Variants in CDH18 observed in about 807,000 individuals in gnomAD.
CDH18 encodes cadherin 18.
CDH18 carries 31 observed loss-of-function variants against 67.9 expected under a neutral mutation model. That is an observed-to-expected ratio of 0.46 (90% CI 0.34 to 0.62). The LOEUF (loss-of-function observed/expected upper bound fraction) is 0.62, where lower values mean the gene tolerates loss of function less well. Ranked by LOEUF, CDH18 falls within the 20% of genes least tolerant of loss-of-function variation. The pLI is 0.01. For missense variants in CDH18, 890 were observed against 975.5 expected, an observed-to-expected ratio of 0.91 and a Z score of 1.17; for synonymous variants, 362 against 347.2, an observed-to-expected ratio of 1.04 and a Z score of -0.48.
At chr5:20,426,540 G>T (rs1041341536) in intron 1 of CDH18, among the ~76,000 whole-genome samples, 3 of 151,082 alleles carry the variant, frequency 2.0e-5, no homozygotes, top group Non-Finnish European at 1.5e-5. Flanking sequence ...TTAATCCACT[G>T]TATTATCAGA....
chr5:20,498,957 G>C (rs1446696568), intron 1 of CDH18, among the ~76,000 whole-genome samples: 1 of 152,008 alleles, frequency 6.6e-6, no homozygotes, highest in Non-Finnish European at 1.5e-5. Flanking sequence ...TTTGTATTGA[G>C]CTTGTGTTTC....
intron 2 of CDH18, among the ~76,000 whole-genome samples, chr5:20,019,150 A>T (rs1434871704): frequency 1.3e-5 from 2 of 152,142 alleles, no homozygotes; most frequent in Admixed American, 1.3e-4. Flanking sequence ...TGGTATTTTC[A>T]TGGAATTAAG....
chr5:19,508,538 T>A (rs1199781064), intron 10 of CDH18, among the ~76,000 whole-genome samples: 1 of 151,740 alleles, frequency 6.6e-6, no homozygotes, highest in Non-Finnish European at 1.5e-5. Context: ...ATAAATGATA[T>A]TACAAATTTA....
At chr5:19,851,260 G>A (rs1488004094) in intron 2 of CDH18, among the ~76,000 whole-genome samples, 1 of 151,002 alleles carries the variant, frequency 6.6e-6, no homozygotes, top group African/African-American at 2.4e-5. Flanking sequence ...TTTTTATATC[G>A]GCTTTTCCAG....
At chr5:20,155,195 AC>A (rs1256554720) in intron 2 of CDH18, among the ~76,000 whole-genome samples, 1 of 152,160 alleles carries the variant, frequency 6.6e-6, no homozygotes, top group Non-Finnish European at 1.5e-5. Context: ...TTTAATGTAA[AC>A]TAGTATTTTT....
intron 5 of CDH18, among the ~76,000 whole-genome samples, chr5:19,627,350 C>T (rs539083335): frequency 6.6e-6 from 1 of 152,320 alleles, no homozygotes; most frequent in South Asian, 2.1e-4. Flanking sequence ...CATTTATCTA[C>T]ACATTTACGT....
chr5:19,547,141 A>T (rs1736471798), intron 8 of CDH18, among the ~76,000 whole-genome samples: 1 of 152,098 alleles, frequency 6.6e-6, no homozygotes, highest in South Asian at 2.1e-4. Context: ...TTCTTATAAC[A>T]TCCCTTTCCC....
chr5:19,854,539 T>C (rs537083637), intron 2 of CDH18, among the ~76,000 whole-genome samples: 16 of 152,216 alleles, frequency 1.1e-4, no homozygotes, highest in African/African-American at 2.2e-4. Flanking sequence ...GAAAATGACA[T>C]ATGTAGCTAT....
At position 19,887,364 on chromosome 5, in the gene CDH18, C is replaced by T. The variant is rs747526575; in HGVS notation, c.-256-48122G>A. ...AATATATATTTTATATATATGTGTG[C>T]GTTTGATATATCTCCTGTGCTTTAT... On this transcript the variant is annotated intron_variant, in intron 2 of 12. Coordinates refer to ENST00000382275, the MANE Select transcript of CDH18 (RefSeq NM_004934.5). Among the ~76,000 whole-genome samples, 7 of 151,774 alleles carry T rather than the reference C, an allele frequency of 4.6e-5. No individual in the cohort carries two copies. The East Asian group carries it at 7.8e-4, about 17-fold the overall frequency.
intron 8 of CDH18, among the ~76,000 whole-genome samples, chr5:19,564,953 G>C (rs1740106909): frequency 6.6e-6 from 1 of 152,050 alleles, no homozygotes; most frequent in Non-Finnish European, 1.5e-5. Context: ...AGAAACTCCT[G>C]CTTGAGAAAA....
chr5:19,890,137 C>T (rs1002777156), intron 2 of CDH18, among the ~76,000 whole-genome samples: 2 of 152,220 alleles, frequency 1.3e-5, no homozygotes, highest in African/African-American at 4.8e-5. Context: ...CAGATTCATG[C>T]TCCTGGAGGT....
intron 1 of CDH18, among the ~76,000 whole-genome samples, chr5:20,414,205 T>C (rs1254391679): frequency 1.3e-5 from 2 of 152,164 alleles, no homozygotes; most frequent in Non-Finnish European, 2.9e-5. Flanking sequence ...AATAAAACAT[T>C]CTACCAAAAA....
At chr5:19,812,408 A>G (rs1360728202) in intron 3 of CDH18, among the ~76,000 whole-genome samples, 1 of 152,188 alleles carries the variant, frequency 6.6e-6, no homozygotes, top group Non-Finnish European at 1.5e-5. Context: ...CGTAGAAAAC[A>G]AAATATGTAA....
At chr5:20,140,665 G>A (rs1380772254) in intron 2 of CDH18, among the ~76,000 whole-genome samples, 1 of 151,976 alleles carries the variant, frequency 6.6e-6, no homozygotes, top group African/African-American at 2.4e-5. Context: ...TGGGAATAAT[G>A]TTGTTCTGTG....
chr5:20,093,855 C>T (rs1745653552), intron 2 of CDH18, among the ~76,000 whole-genome samples: 1 of 152,024 alleles, frequency 6.6e-6, no homozygotes, highest in Non-Finnish European at 1.5e-5. Flanking sequence ...TTATGTGGCA[C>T]ATAGGATATA....
At chr5:19,761,851 G>T (rs1331009616) in intron 3 of CDH18, among the ~76,000 whole-genome samples, 1 of 152,082 alleles carries the variant, frequency 6.6e-6, no homozygotes, top group Non-Finnish European at 1.5e-5. Context: ...ATACTACAAG[G>T]CTACAGTAAC....
At chr5:20,026,230 G>A (rs545967858) in intron 2 of CDH18, among the ~76,000 whole-genome samples, 1 of 152,294 alleles carries the variant, frequency 6.6e-6, no homozygotes, top group Admixed American at 6.5e-5. Flanking sequence ...GAATCCGTAA[G>A]GGGATCTGTT....
At chr5:19,800,272 T>C (rs1581405301) in intron 3 of CDH18, among the ~76,000 whole-genome samples, 2 of 152,198 alleles carry the variant, frequency 1.3e-5, no homozygotes. Flanking sequence ...TAAAGGTTAA[T>C]GGAAAATATT....
At chr5:19,892,780 A>C (rs1418556904) in intron 2 of CDH18, among the ~76,000 whole-genome samples, 1 of 152,124 alleles carries the variant, frequency 6.6e-6, no homozygotes, top group Non-Finnish European at 1.5e-5. Context: ...AGGCCCAGTC[A>C]AGATTTCAGA....
Sources: allele counts gnomAD v4.1 joint callset (sites outside exome capture counted in the v4.1 genomes callset), GRCh38; gene constraint gnomAD v4.1.1; transcripts MANE v1.5; gene names NCBI Gene and HGNC (gene_info 2026-07-23, HGNC 2026-07-21).